Variants in IFT57 observed in about 807,000 individuals in gnomAD.
IFT57 encodes the protein intraflagellar transport protein 57 homolog.
In IFT57, 59 loss-of-function variants were observed where a neutral mutation model predicts 56.8. The observed-to-expected ratio is 1.04, with a 90% CI of 0.84 to 1.29. The LOEUF (loss-of-function observed/expected upper bound fraction) is 1.29, where lower values mean the gene tolerates loss of function less well. IFT57 is among the 50% of genes most tolerant of loss of function. The pLI, the probability that IFT57 is intolerant of heterozygous loss-of-function variation, is 0.00. For synonymous variants in IFT57, 209 were observed against 186.1 expected, an observed-to-expected ratio of 1.12 and a Z score of -1.00; for missense variants, 470 against 522.1, an observed-to-expected ratio of 0.90 and a Z score of 0.97.
intron 7 of IFT57, 39 bp from the exon 8 acceptor site, chr3:108,167,024 A>G (rs921512899): frequency 6.4e-7 from 1 of 1,567,886 alleles, no homozygotes; most frequent in African/African-American, 1.4e-5. Context: ...AAGAACTCAC[A>G]AACATATTTT....
chr3:108,179,288 T>C (rs2080139856), intron 6 of IFT57, among the ~76,000 whole-genome samples: 1 of 151,924 alleles, frequency 6.6e-6, no homozygotes, highest in African/African-American at 2.4e-5. Context: ...TCCTGTGACA[T>C]GTCTAAAAAC....
chr3:108,222,075 G>C, intron 1 of IFT57, 36 bp downstream of exon 1: 1 of 1,561,396 alleles, frequency 6.4e-7, no homozygotes, highest in East Asian at 2.4e-5. Flanking sequence ...CTGGGGGCTA[G>C]CAGGCACCCG....
intron 5 of IFT57, among the ~76,000 whole-genome samples, chr3:108,205,995 T>G (rs1210667046): frequency 9.0e-4 from 8 of 8,886 alleles, no homozygotes; most frequent in East Asian, 2.8e-3. Context: ...ATAATATATT[T>G]ATGTTATATA....
intron 3 of IFT57, among the ~76,000 whole-genome samples, chr3:108,215,487 C>T (rs894399163): frequency 2.0e-5 from 3 of 151,962 alleles, no homozygotes; most frequent in African/African-American, 4.8e-5. Context: ...CGCTTGAGCC[C>T]GGCAGGCAGA....
intron 4 of IFT57, among the ~76,000 whole-genome samples, chr3:108,207,529 T>C (rs568221782): frequency 3.3e-5 from 5 of 152,322 alleles, no homozygotes; most frequent in African/African-American, 1.2e-4. Context: ...CCTCAAGTCA[T>C]GATTTTATAA....
intron 6 of IFT57, among the ~76,000 whole-genome samples, chr3:108,180,216 T>C (rs1426400839): frequency 6.6e-6 from 1 of 152,022 alleles, no homozygotes. Context: ...CATCTGTTAC[T>C]AAAGAGTTTT....
chr3:108,179,725 T>A (rs1042533247), intron 6 of IFT57, among the ~76,000 whole-genome samples: 3 of 152,020 alleles, frequency 2.0e-5, no homozygotes, highest in African/African-American at 7.2e-5. Flanking sequence ...ATTGAATAAC[T>A]TTTCTAATGA....
chr3:108,176,759 T>C (rs1383807575), intron 6 of IFT57, among the ~76,000 whole-genome samples: 3 of 151,888 alleles, frequency 2.0e-5, no homozygotes, highest in Non-Finnish European at 2.9e-5. Context: ...TTTAGTTACT[T>C]AGAAATTTTT....
chr3:108,190,968 T>C (rs2080211881), intron 6 of IFT57, among the ~76,000 whole-genome samples: 1 of 152,192 alleles, frequency 6.6e-6, no homozygotes, highest in South Asian at 2.1e-4. Context: ...AATTTTTGTA[T>C]TTTTAGTAGA....
At chr3:108,214,250 C>T (rs1369393852) in intron 3 of IFT57, among the ~76,000 whole-genome samples, 1 of 152,024 alleles carries the variant, frequency 6.6e-6, no homozygotes. Flanking sequence ...TGGTGTTATC[C>T]AACTTAATGC....
intron 6 of IFT57, among the ~76,000 whole-genome samples, chr3:108,183,335 T>C (rs1421007872): frequency 6.6e-6 from 1 of 152,090 alleles, no homozygotes; most frequent in African/African-American, 2.4e-5. Context: ...AATATATAAC[T>C]CTGACCCACA....
At chr3:108,181,286 C>A (rs1482619123) in intron 6 of IFT57, among the ~76,000 whole-genome samples, 2 of 151,946 alleles carry the variant, frequency 1.3e-5, no homozygotes, top group Admixed American at 6.6e-5. Context: ...TTTTCTCCAC[C>A]CCTTTACTGT....
Position 108,218,554 on chromosome 3 carries a change from T to C in IFT57, c.475A>G (p.Ile159Val), listed in dbSNP as rs144087221. The change falls in exon 3 of 11, where the codon ATT (isoleucine) becomes GTT (valine). Residue 159 changes from isoleucine (I) to valine (V), a missense_variant. Physicochemically the swap from Ile to Val is conservative, Grantham distance 29. Coordinates refer to ENST00000264538, the MANE Select transcript of IFT57 (RefSeq NM_018010.4). ...TTTTACCTTTTCCAGGTGAAACCAA[T>C]ATATTTCAATGCTTCTTCAGCGAAG... The part of the protein sequence containing the change: ...DCFAEEALKY[I>V]GFTWKRPIYP... The C allele has an allele frequency of 1.9e-4, 293 of 1,541,630 alleles. 2 individuals are homozygous for C. The highest frequency in any genetic ancestry group is 1.0e-3 in the Middle Eastern group (6 of 5,880).
chr3:108,170,394 T>C (rs1350415018), intron 6 of IFT57, among the ~76,000 whole-genome samples: 3 of 151,994 alleles, frequency 2.0e-5, no homozygotes, highest in Admixed American at 1.3e-4. Context: ...GAACTTCTAT[T>C]CACAATTGCT....
intron 6 of IFT57, among the ~76,000 whole-genome samples, chr3:108,184,447 A>G (rs79759780): frequency 3.4e-4 from 51 of 152,236 alleles, no homozygotes; most frequent in African/African-American, 1.2e-3. Flanking sequence ...ATTAAGAAAA[A>G]GTTAGGTATG....
At chr3:108,198,515 C>G (rs1466407647) in intron 5 of IFT57, among the ~76,000 whole-genome samples, 2 of 152,146 alleles carry the variant, frequency 1.3e-5, no homozygotes, top group African/African-American at 2.4e-5. Context: ...GATCTCGGCT[C>G]ACTGCAGCCT....
chr3:108,219,923 C>T (rs888323315), intron 1 of IFT57, among the ~76,000 whole-genome samples: 12 of 152,186 alleles, frequency 7.9e-5, no homozygotes, highest in African/African-American at 2.7e-4. Context: ...AAATGGTAAT[C>T]TGGAAGAACC....
At chr3:108,190,531 C>T (rs187431763) in intron 6 of IFT57, among the ~76,000 whole-genome samples, 184 of 152,320 alleles carry the variant, frequency 1.2e-3, no homozygotes, top group Middle Eastern at 3.4e-3. Context: ...AAGAAGATGC[C>T]TTGCTTTCCC....
chr3:108,161,807 T>A lies in IFT57; in HGVS notation c.*670A>T, dbSNP rs1460389303. On this transcript the variant is annotated 3_prime_UTR_variant, in exon 11 of 11. Coordinates refer to ENST00000264538, the MANE Select transcript of IFT57 (RefSeq NM_018010.4). ...GAAATTGAGACATGCATATGCACCT[T>A]CTCTTCATTCTAAGAACAGAGTCAA... The A allele has an allele frequency of 2.6e-5, 4 of 152,196 alleles. No homozygotes were observed. Among genetic ancestry groups the A allele is most frequent in the Non-Finnish European group, 2.9e-5 (2 of 68,032 alleles). The allele number at this position is 152,196 out of a possible 1,614,324, so 9.4% of individuals were successfully genotyped here.
Sources: gnomAD v4.1 joint callset for allele counts (sites outside exome capture counted in the v4.1 genomes callset) on GRCh38, gnomAD v4.1.1 for gene constraint, MANE v1.5 for transcripts, NCBI Gene and HGNC (gene_info 2026-07-23, HGNC 2026-07-21) for gene names.